The following PCDH15 variants were observed in gnomAD, a reference collection of about 807,000 sequenced individuals.
The protein encoded by PCDH15 is protocadherin related 15, also known as protocadherin-15.
Under a neutral mutation model 178.5 loss-of-function variants are expected in PCDH15, and 129 were observed. The ratio of observed to expected loss-of-function variants is 0.72; its 90% CI spans 0.63 to 0.84. PCDH15 has a LOEUF of 0.84. PCDH15 is among the 40% of genes least tolerant of loss of function. The pLI, the probability that PCDH15 is intolerant of heterozygous loss-of-function variation, is 0.00. For missense variants in PCDH15, 2,230 were observed against 2,099.9 expected (o/e 1.06, Z -1.21); for synonymous variants, 800 against 732.0 (o/e 1.09, Z -1.50).
chr10:54,530,956 A>T (rs2083848903), intron 2 of PCDH15, among the ~76,000 whole-genome samples: 1 of 152,218 alleles, frequency 6.6e-6, no homozygotes, highest in Non-Finnish European at 1.5e-5. Context: ...AGCATTTTTA[A>T]TAAGAACAAT....
chr10:54,262,763 G>A (rs1038993791), intron 8 of PCDH15, among the ~76,000 whole-genome samples: 6 of 152,192 alleles, frequency 3.9e-5, no homozygotes, highest in Non-Finnish European at 7.3e-5. Context: ...ACCAGACAAC[G>A]AAAGGTATGG....
intron 3 of PCDH15, among the ~76,000 whole-genome samples, chr10:54,502,951 T>G (rs544557192): frequency 2.2e-3 from 329 of 152,144 alleles, no homozygotes; most frequent in Non-Finnish European, 3.4e-3. Context: ...CATTTTTTAT[T>G]ACTAATGATT....
intron 2 of PCDH15, among the ~76,000 whole-genome samples, chr10:55,137,151 T>G (rs962041487): frequency 6.6e-6 from 1 of 152,172 alleles, no homozygotes; most frequent in Admixed American, 6.6e-5. Flanking sequence ...ACAATTACAG[T>G]CATGTACCGC....
intron 1 of PCDH15, among the ~76,000 whole-genome samples, chr10:55,294,966 T>C (rs1325179508): frequency 2.6e-5 from 4 of 152,212 alleles, no homozygotes; most frequent in African/African-American, 9.6e-5. Context: ...CTATTTTTAT[T>C]AAAATATTAG....
intron 1 of PCDH15, among the ~76,000 whole-genome samples, chr10:55,268,072 T>C (rs1424358684): frequency 6.6e-6 from 1 of 152,326 alleles, no homozygotes; most frequent in East Asian, 1.9e-4. Context: ...TAACTCTCCC[T>C]CAAAGTATCA....
intron 2 of PCDH15, among the ~76,000 whole-genome samples, chr10:54,942,802 T>C (rs1838097056): frequency 6.6e-6 from 1 of 152,070 alleles, no homozygotes; most frequent in South Asian, 2.1e-4. Context: ...CACTGAATAA[T>C]ATGTAAGCCA....
chr10:54,533,423 G>A (rs2084135806), intron 2 of PCDH15, among the ~76,000 whole-genome samples: 1 of 151,824 alleles, frequency 6.6e-6, no homozygotes, highest in African/African-American at 2.4e-5. Flanking sequence ...AGAATTTGAG[G>A]TTATTTGGAA....
intron 2 of PCDH15, among the ~76,000 whole-genome samples, chr10:54,935,145 G>T (rs1489196440): frequency 6.6e-6 from 1 of 151,696 alleles, no homozygotes; most frequent in Admixed American, 6.6e-5. Context: ...AGGAGTTAAT[G>T]GGTGCAGCAC....
chr10:54,277,758 G>T (rs79125375), intron 8 of PCDH15, among the ~76,000 whole-genome samples: 1 of 151,512 alleles, frequency 6.6e-6, no homozygotes, highest in Admixed American at 6.6e-5. Context: ...GTCAGAGAAG[G>T]GGGCAAAACA....
intron 14 of PCDH15, among the ~76,000 whole-genome samples, chr10:54,145,565 G>C (rs1267648897): frequency 6.6e-6 from 1 of 152,072 alleles, no homozygotes; most frequent in Non-Finnish European, 1.5e-5. Flanking sequence ...TAGGAGGACA[G>C]AGAAAACTTT....
chr10:55,136,423 C>T (rs952150503), intron 2 of PCDH15, among the ~76,000 whole-genome samples: 9 of 151,786 alleles, frequency 5.9e-5, no homozygotes, highest in Non-Finnish European at 8.8e-5. Context: ...AAAATATTTC[C>T]GCCTATGGAT....
intron 2 of PCDH15, among the ~76,000 whole-genome samples, chr10:55,043,740 A>T (rs200874794): frequency 3.5e-4 from 50 of 143,034 alleles, no homozygotes; most frequent in Admixed American, 1.4e-3. Flanking sequence ...ATAAATAAAT[A>T]AAATAAATAA....
chr10:54,502,473 T>A (rs976689362), intron 3 of PCDH15, among the ~76,000 whole-genome samples: 2 of 152,174 alleles, frequency 1.3e-5, no homozygotes, highest in Non-Finnish European at 2.9e-5. Context: ...TATTTTACTA[T>A]GAACTTACTT....
At chr10:55,578,677 G>A (rs566367089) in intron 2 of PCDH15, among the ~76,000 whole-genome samples, 65 of 152,238 alleles carry the variant, frequency 4.3e-4, no homozygotes, top group African/African-American at 1.5e-3. Flanking sequence ...TCGAGACTGG[G>A]TAATTTATAA....
intron 13 of PCDH15, among the ~76,000 whole-genome samples, chr10:54,176,939 G>A (rs565544451): frequency 1.9e-4 from 26 of 138,536 alleles, no homozygotes; most frequent in African/African-American, 7.4e-4. Context: ...AAAAGGATTT[G>A]AAAATTTATG....
intron 9 of PCDH15, among the ~76,000 whole-genome samples, chr10:54,228,267 G>A (rs1439610642): frequency 6.6e-6 from 1 of 152,168 alleles, no homozygotes; most frequent in Admixed American, 6.5e-5. Context: ...CATGGTGGAA[G>A]GCAAGGAGGA....
chr10:54,453,727 A>G (rs2076630388), intron 3 of PCDH15, among the ~76,000 whole-genome samples: 1 of 151,970 alleles, frequency 6.6e-6, no homozygotes, highest in Non-Finnish European at 1.5e-5. Flanking sequence ...GAAGAAGGTC[A>G]TGCAAAGAAG....
intron 26 of PCDH15, among the ~76,000 whole-genome samples, chr10:53,877,576 T>A (rs2080337490): frequency 6.6e-6 from 1 of 152,214 alleles, no homozygotes; most frequent in African/African-American, 2.4e-5. Flanking sequence ...TCCTGATTTT[T>A]CCTTAGTTAC....
intron 2 of PCDH15, among the ~76,000 whole-genome samples, chr10:54,596,365 G>C (rs2092239189): frequency 6.6e-6 from 1 of 152,076 alleles, no homozygotes; most frequent in South Asian, 2.1e-4. Flanking sequence ...GCTAAACAAA[G>C]CTTCCTAAGT....
Sources: gnomAD v4.1 joint callset for allele counts (sites outside exome capture counted in the v4.1 genomes callset) on GRCh38, gnomAD v4.1.1 for gene constraint, MANE v1.5 for transcripts, NCBI Gene and HGNC (gene_info 2026-07-23, HGNC 2026-07-21) for gene names.